KCNN3: variants seen among roughly 807,000 people sequenced by gnomAD.
The protein encoded by KCNN3 is small conductance calcium-activated potassium channel protein 3.
Under a neutral mutation model 62.9 loss-of-function variants are expected in KCNN3, and 16 were observed. The ratio of observed to expected loss-of-function variants is 0.25; its 90% CI spans 0.17 to 0.39. The LOEUF (loss-of-function observed/expected upper bound fraction) is 0.39. Among genes scored for constraint, KCNN3 ranks in the 10% least tolerant of loss-of-function variants. The pLI is 1.00. For missense variants in KCNN3, 599 were observed against 949.4 expected (o/e 0.63, Z 4.85); for synonymous variants, 370 against 389.2 (o/e 0.95, Z 0.58).
chr1:154,843,517 C>T (rs769915538), intron 1 of KCNN3, among the ~76,000 whole-genome samples: 2 of 152,114 alleles, frequency 1.3e-5, no homozygotes, highest in African/African-American at 2.4e-5. Context: ...TCTCCCACCT[C>T]GGCCTCCCAA....
chr1:154,838,400 C>T (rs924893971), intron 1 of KCNN3, among the ~76,000 whole-genome samples: 1 of 152,210 alleles, frequency 6.6e-6, no homozygotes, highest in East Asian at 1.9e-4. Context: ...ATCCCTTCTG[C>T]GGCTCCCCAC....
chr1:154,833,612 T>C (rs1471733233), intron 1 of KCNN3, among the ~76,000 whole-genome samples: 2 of 152,224 alleles, frequency 1.3e-5, no homozygotes, highest in South Asian at 2.1e-4. Context: ...AGAGGGACTC[T>C]GGCCTACCCA....
At chr1:154,762,099 C>G (rs1160799668) in intron 3 of KCNN3, among the ~76,000 whole-genome samples, 1 of 152,140 alleles carries the variant, frequency 6.6e-6, no homozygotes, top group East Asian at 1.9e-4. Flanking sequence ...GTTTCTCATT[C>G]TTTTCTATTA....
At chr1:154,858,463 G>C (rs1316022551) in intron 1 of KCNN3, among the ~76,000 whole-genome samples, 1 of 152,224 alleles carries the variant, frequency 6.6e-6, no homozygotes, top group Non-Finnish European at 1.5e-5. Flanking sequence ...TTTGAATCCA[G>C]GTCTATGGGG....
At chr1:154,771,540 T>C (rs1648559436) in intron 3 of KCNN3, among the ~76,000 whole-genome samples, 1 of 152,138 alleles carries the variant, frequency 6.6e-6, no homozygotes, top group Non-Finnish European at 1.5e-5. Context: ...TGCTTTATAA[T>C]AAAAAGGATT....
At chr1:154,780,382 C>T (rs1458574263) in intron 2 of KCNN3, among the ~76,000 whole-genome samples, 5 of 150,118 alleles carry the variant, frequency 3.3e-5, no homozygotes, top group African/African-American at 7.3e-5. Context: ...ACTTTCTGAC[C>T]AACCTGAAAA....
At chr1:154,720,281 G>A (rs1433870379) in intron 5 of KCNN3, among the ~76,000 whole-genome samples, 1 of 152,182 alleles carries the variant, frequency 6.6e-6, no homozygotes, top group Non-Finnish European at 1.5e-5. Flanking sequence ...CATTGTTTCT[G>A]TGACTATTGC....
At chr1:154,750,857 C>T (rs1557956587) in intron 3 of KCNN3, among the ~76,000 whole-genome samples, 1 of 152,156 alleles carries the variant, frequency 6.6e-6, no homozygotes, top group East Asian at 1.9e-4. Flanking sequence ...GGCCCAGGAC[C>T]CCCTCAGCTT....
rs75675083 is a variant in KCNN3, at chr1:154,772,510, C to T, written c.1030-117G>A. On this transcript the variant is annotated intron_variant, in intron 2 of 7. Coordinates refer to ENST00000271915, the MANE Select transcript of KCNN3 (RefSeq NM_002249.6). This position sits in a 1 kb window ranked among gnomAD's most constrained non-coding sequence, Gnocchi z 5.6. Reference sequence around the variant, plus strand: ...TGCTGGGCTCAGGTCAGCCTGACCACCTCAGCATGCTCTTTAGGGGCCTTG... The same window carrying T: ...TGCTGGGCTCAGGTCAGCCTGACCATCTCAGCATGCTCTTTAGGGGCCTTG... The T allele has an allele frequency of 5.5e-3, 5,096 of 927,304 alleles. 177 individuals carry two copies. The African/African-American group carries it at 0.073, about 13-fold the overall frequency. 57.4% of individuals were successfully genotyped at this position (927,304 alleles called of 1,614,324 possible).
At chr1:154,801,586 G>C (rs1021252491) in intron 2 of KCNN3, among the ~76,000 whole-genome samples, 1 of 152,210 alleles carries the variant, frequency 6.6e-6, no homozygotes, top group African/African-American at 2.4e-5. Context: ...TATTCAGTAA[G>C]AACAAAATCT....
chr1:154,715,620 T>C (rs1700218550), intron 5 of KCNN3, among the ~76,000 whole-genome samples: 1 of 151,948 alleles, frequency 6.6e-6, no homozygotes, highest in African/African-American at 2.4e-5. Context: ...CTTCCTTCTT[T>C]CTTTCTTCCT....
Position 154,755,668 on chromosome 1 carries a change from A to G in KCNN3, c.1448+16307T>C, listed in dbSNP as rs796814820. Among the ~76,000 whole-genome samples the G allele has an allele frequency of 1.5e-4, 23 of 149,722 alleles. 3 individuals are homozygous for G. The highest frequency in any genetic ancestry group is 4.9e-4 in the African/African-American group (20 of 40,804). On this transcript the variant is annotated intron_variant, in intron 3 of 7. Coordinates refer to ENST00000271915, the MANE Select transcript of KCNN3 (RefSeq NM_002249.6). The stretch of plus-strand genomic sequence containing the variant: ...AGAAAGAAGAAAGGAAGGAAGGAAG[A>G]AAGAGGGAGAGAGGGAGAAGGAGAA...
intron 1 of KCNN3, among the ~76,000 whole-genome samples, chr1:154,851,231 C>T (rs1652288528): frequency 6.6e-6 from 1 of 152,196 alleles, no homozygotes; most frequent in Non-Finnish European, 1.5e-5. Context: ...CCCGCCTCGG[C>T]CTCCCAAAGT....
At chr1:154,735,307 C>T (rs1017949583) in intron 3 of KCNN3, among the ~76,000 whole-genome samples, 1 of 152,172 alleles carries the variant, frequency 6.6e-6, no homozygotes, top group African/African-American at 2.4e-5. Flanking sequence ...GGCTCTCCAG[C>T]CCCACTTGAG....
At chr1:154,746,483 C>T (rs977016178) in intron 3 of KCNN3, among the ~76,000 whole-genome samples, 1 of 152,224 alleles carries the variant, frequency 6.6e-6, no homozygotes, top group Admixed American at 6.5e-5. Flanking sequence ...ACAGGCACAG[C>T]TGGCCTGCAC....
In KCNN3 at chr1:154,754,942, C is replaced by T. The variant is rs149026933; in HGVS notation, c.1448+17033G>A. Among the ~76,000 whole-genome samples the T allele has an allele frequency of 4.1e-3, 624 of 152,198 alleles. 5 individuals carry two copies. Among genetic ancestry groups the T allele is most frequent in the African/African-American group, 0.014 (591 of 41,504 alleles). On this transcript the variant is annotated intron_variant, in intron 3 of 7. Transcript: ENST00000271915. Reference sequence around the variant, plus strand: ...GATGAGTTTGATCACAGATTTGATGCGTGGGACATCAGTACAGGAGAAGAT... The same window carrying T: ...GATGAGTTTGATCACAGATTTGATGTGTGGGACATCAGTACAGGAGAAGAT...
intron 1 of KCNN3, among the ~76,000 whole-genome samples, chr1:154,840,695 T>C (rs1651788734): frequency 6.6e-6 from 1 of 152,222 alleles, no homozygotes; most frequent in Admixed American, 6.5e-5. Context: ...AGCCATTTCC[T>C]TCCTGTCAGC....
At chr1:154,768,572 C>T (rs890706845) in intron 3 of KCNN3, among the ~76,000 whole-genome samples, 7 of 152,172 alleles carry the variant, frequency 4.6e-5, no homozygotes, top group African/African-American at 1.7e-4. Flanking sequence ...GGCTGAGTGT[C>T]CTACTAGAAG....
chr1:154,819,775 T>G (rs894512477), intron 2 of KCNN3, among the ~76,000 whole-genome samples: 15 of 152,170 alleles, frequency 9.9e-5, no homozygotes, highest in Non-Finnish European at 1.6e-4. Context: ...CCCAGCCACC[T>G]GCCAGTACCA....
Sources: allele counts gnomAD v4.1 joint callset (sites outside exome capture counted in the v4.1 genomes callset), GRCh38; gene constraint gnomAD v4.1.1; non-coding constraint Gnocchi (gnomAD v3.1); transcripts MANE v1.5; gene names NCBI Gene and HGNC (gene_info 2026-07-23, HGNC 2026-07-21).